The following IL1RAPL2 variants were observed in gnomAD, a reference collection of about 807,000 sequenced individuals.
The protein encoded by IL1RAPL2 is X-linked interleukin-1 receptor accessory protein-like 2.
IL1RAPL2 carries 3 observed loss-of-function variants against 44.1 expected under a neutral mutation model. That is an observed-to-expected ratio of 0.07 (90% CI 0.03 to 0.18). The LOEUF (loss-of-function observed/expected upper bound fraction) is 0.18. Among genes scored for constraint, IL1RAPL2 ranks in the 10% least tolerant of loss-of-function variants. The probability of loss-of-function intolerance (pLI) is 1.00; values close to 1 mark genes in which losing one functional copy is unlikely to be tolerated. For synonymous variants in IL1RAPL2, 181 were observed against 178.8 expected (o/e 1.01, Z -0.10); for missense variants, 391 against 496.4 (o/e 0.79, Z 2.02).
chrX:104,573,816 A>G (rs913676634), intron 1 of IL1RAPL2, among the ~76,000 whole-genome samples: 4 of 112,129 alleles, frequency 3.6e-5, no homozygotes, highest in African/African-American at 1.3e-4. Context: ...TAAGTATATT[A>G]TGGATTTTAA....
chrX:105,153,262 A>G (rs1374787337), intron 2 of IL1RAPL2, among the ~76,000 whole-genome samples: 4 of 112,473 alleles, frequency 3.6e-5, no homozygotes, highest in African/African-American at 9.7e-5. Context: ...CATAGCTAAC[A>G]TTTATTGAAC....
At chrX:104,797,193 C>A (rs1241964874) in intron 2 of IL1RAPL2, among the ~76,000 whole-genome samples, 9 of 34,453 alleles carry the variant, frequency 2.6e-4, no homozygotes, top group Non-Finnish European at 5.0e-4. Context: ...CAGCCCCCCC[C>A]CCCCCCCCGC....
At chrX:104,894,721 A>G (rs1025302382) in intron 2 of IL1RAPL2, among the ~76,000 whole-genome samples, 2 of 111,769 alleles carry the variant, frequency 1.8e-5, no homozygotes, top group Admixed American at 9.5e-5. Context: ...CTTCTTTGCA[A>G]TGGTTTCAAA....
chrX:104,659,332 TC>T (rs1930342428), intron 2 of IL1RAPL2, among the ~76,000 whole-genome samples: 1 of 111,651 alleles, frequency 9.0e-6, no homozygotes, highest in Non-Finnish European at 1.9e-5. Flanking sequence ...AAAATATACA[TC>T]CTTTGCCTCC....
chrX:105,023,211 C>T (rs2031311499), intron 2 of IL1RAPL2, among the ~76,000 whole-genome samples: 1 of 109,374 alleles, frequency 9.1e-6, no homozygotes, highest in South Asian at 3.9e-4. Context: ...GCTCCTAGGT[C>T]TTGCCTGATA....
At chrX:104,785,489 A>G (rs1932793742) in intron 2 of IL1RAPL2, among the ~76,000 whole-genome samples, 1 of 111,459 alleles carries the variant, frequency 9.0e-6, no homozygotes, top group Non-Finnish European at 1.9e-5. Flanking sequence ...CTGGTGTGGG[A>G]AGGTTATTTC....
intron 6 of IL1RAPL2, among the ~76,000 whole-genome samples, chrX:105,569,358 C>A (rs1325519322): frequency 8.9e-6 from 1 of 111,746 alleles, no homozygotes; most frequent in Non-Finnish European, 1.9e-5. Flanking sequence ...CAGTCTTACA[C>A]CCTGTTGTAG....
chrX:105,224,273 G>C (rs1321349710), intron 3 of IL1RAPL2, among the ~76,000 whole-genome samples: 17 of 111,494 alleles, frequency 1.5e-4, no homozygotes, highest in African/African-American at 3.3e-5. Context: ...GGTAAAAAGA[G>C]TGTTATTAGT....
intron 5 of IL1RAPL2, among the ~76,000 whole-genome samples, chrX:105,437,489 G>A (rs1342093996): frequency 9.0e-6 from 1 of 111,223 alleles, no homozygotes. Flanking sequence ...TATCTATATT[G>A]ATTTTTATTT....
intron 2 of IL1RAPL2, among the ~76,000 whole-genome samples, chrX:104,730,909 A>G (rs1323464751): frequency 1.9e-4 from 21 of 110,986 alleles, no homozygotes; most frequent in Admixed American, 8.6e-4. Context: ...TTTAATGATC[A>G]CCATTCTAAC....
intron 5 of IL1RAPL2, among the ~76,000 whole-genome samples, chrX:105,480,866 A>G (rs1272850027): frequency 2.7e-5 from 3 of 112,341 alleles, no homozygotes; most frequent in Non-Finnish European, 3.8e-5. Flanking sequence ...ATCCAATTGA[A>G]CTGCTGCAGT....
At chrX:105,418,342 T>C (rs2035749447) in intron 5 of IL1RAPL2, among the ~76,000 whole-genome samples, 1 of 111,260 alleles carries the variant, frequency 9.0e-6, no homozygotes, top group Non-Finnish European at 1.9e-5. Flanking sequence ...AGAGCCAAAT[T>C]CAAATTCCCC....
At chrX:105,216,022 G>T (rs782396887) in intron 3 of IL1RAPL2, among the ~76,000 whole-genome samples, 1 of 111,333 alleles carries the variant, frequency 9.0e-6, no homozygotes, top group South Asian at 3.8e-4. Flanking sequence ...ATGGGCAAAA[G>T]CTGGAAGCAT....
At chrX:105,571,806 T>C (rs778724481) in intron 6 of IL1RAPL2, among the ~76,000 whole-genome samples, 3 of 111,328 alleles carry the variant, frequency 2.7e-5, no homozygotes, top group African/African-American at 6.5e-5. Context: ...AGAGCATTGA[T>C]GATAAAACAT....
At chrX:104,952,131 G>A (rs766136431) in intron 2 of IL1RAPL2, among the ~76,000 whole-genome samples, 3 of 111,788 alleles carry the variant, frequency 2.7e-5, no homozygotes, top group Non-Finnish European at 5.6e-5. Context: ...AATTATTGGT[G>A]GGGCATATAT....
chrX:105,405,355 T>C (rs2035635431), intron 5 of IL1RAPL2, among the ~76,000 whole-genome samples: 1 of 111,993 alleles, frequency 8.9e-6, no homozygotes, highest in Non-Finnish European at 1.9e-5. Context: ...AAGAAATACT[T>C]GAGACCACTA....
At chrX:104,895,261 G>C (rs1033028493) in intron 2 of IL1RAPL2, among the ~76,000 whole-genome samples, 12 of 112,356 alleles carry the variant, frequency 1.1e-4, no homozygotes, top group Non-Finnish European at 2.1e-4. Context: ...CAGTCTGTCC[G>C]TTCTCAGTTC....
At chrX:104,687,784 A>C (rs770648899) in intron 2 of IL1RAPL2, among the ~76,000 whole-genome samples, 1 of 111,425 alleles carries the variant, frequency 9.0e-6, no homozygotes, top group East Asian at 2.8e-4. Flanking sequence ...GTCCTGGAGA[A>C]CTGGATCTAT....
At chrX:104,844,166 C>A (rs1921981844) in intron 2 of IL1RAPL2, among the ~76,000 whole-genome samples, 1 of 109,983 alleles carries the variant, frequency 9.1e-6, no homozygotes, top group Non-Finnish European at 1.9e-5. Context: ...CTTCTTAATT[C>A]CTTTCTTTTC....
Sources: allele counts gnomAD v4.1 joint callset (sites outside exome capture counted in the v4.1 genomes callset), GRCh38; gene constraint gnomAD v4.1.1; transcripts MANE v1.5; gene names NCBI Gene and HGNC (gene_info 2026-07-23, HGNC 2026-07-21).